Variants in ASTN2 observed in about 807,000 individuals in gnomAD.
ASTN2 encodes the protein astrotactin-2.
In ASTN2, 54 loss-of-function variants were observed where a neutral mutation model predicts 139.8. The ratio of observed to expected loss-of-function variants is 0.39; its 90% CI spans 0.31 to 0.48. The LOEUF is 0.48. ASTN2 is among the 20% of genes least tolerant of loss of function. The pLI, the probability that ASTN2 is intolerant of heterozygous loss-of-function variation, is 0.95. For missense variants in ASTN2, 1,565 were observed against 1,725.1 expected, an observed-to-expected ratio of 0.91 and a Z score of 1.64; for synonymous variants, 756 against 719.5, an observed-to-expected ratio of 1.05 and a Z score of -0.81.
chr9:117,185,522 G>A (rs971264938), intron 3 of ASTN2, among the ~76,000 whole-genome samples: 2 of 152,180 alleles, frequency 1.3e-5, no homozygotes, highest in African/African-American at 4.8e-5. Flanking sequence ...TCCTGATAAA[G>A]CTGATAGGAA....
chr9:116,953,030 G>T (rs1159703170), intron 10 of ASTN2, among the ~76,000 whole-genome samples: 2 of 152,138 alleles, frequency 1.3e-5, no homozygotes, highest in African/African-American at 4.8e-5. Flanking sequence ...TATTATAAAA[G>T]GAAGGGGTGG....
chr9:116,970,257 G>A (rs1292176014), intron 10 of ASTN2, among the ~76,000 whole-genome samples: 1 of 152,154 alleles, frequency 6.6e-6, no homozygotes, highest in African/African-American at 2.4e-5. Flanking sequence ...TAGGAGTTAA[G>A]ATCTGATGAT....
At chr9:116,670,048 AC>A (rs1859099108) in intron 16 of ASTN2, among the ~76,000 whole-genome samples, 1 of 152,018 alleles carries the variant, frequency 6.6e-6, no homozygotes, top group Admixed American at 6.6e-5. Flanking sequence ...CAGGTGATCC[AC>A]CCGCCTTGGC....
chr9:116,459,140 A>C (rs1848412800), intron 20 of ASTN2, among the ~76,000 whole-genome samples: 1 of 152,072 alleles, frequency 6.6e-6, no homozygotes, highest in Admixed American at 6.6e-5. Flanking sequence ...GGGTGCCAAG[A>C]AAATACAGTG....
At chr9:116,835,744 A>G (rs1564294015) in intron 11 of ASTN2, among the ~76,000 whole-genome samples, 1 of 152,142 alleles carries the variant, frequency 6.6e-6, no homozygotes, top group East Asian at 1.9e-4. Flanking sequence ...GCTCAGAATA[A>G]ATCTTTTCAA....
intron 4 of ASTN2, among the ~76,000 whole-genome samples, chr9:117,098,963 C>G (rs1346567390): frequency 6.6e-6 from 1 of 151,750 alleles, no homozygotes; most frequent in African/African-American, 2.4e-5. Context: ...AAAAAATTAG[C>G]CGGGTGTGGC....
At chr9:116,752,553 C>T (rs1829427699) in intron 13 of ASTN2, among the ~76,000 whole-genome samples, 1 of 152,138 alleles carries the variant, frequency 6.6e-6, no homozygotes, top group Admixed American at 6.5e-5. Context: ...ATGAAAACTG[C>T]TGCTCTGTGA....
At chr9:117,042,971 A>T (rs575594189) in intron 5 of ASTN2, among the ~76,000 whole-genome samples, 1 of 152,170 alleles carries the variant, frequency 6.6e-6, no homozygotes, top group East Asian at 1.9e-4. Flanking sequence ...CCTGGGTTCA[A>T]GTGATTCTCC....
intron 1 of ASTN2, among the ~76,000 whole-genome samples, chr9:117,335,628 C>A (rs1828858181): frequency 6.6e-6 from 1 of 152,102 alleles, no homozygotes; most frequent in Non-Finnish European, 1.5e-5. Context: ...ATGGGGAAAT[C>A]AAGGTCCCAT....
chr9:117,289,805 A>G (rs1228911338), intron 2 of ASTN2, among the ~76,000 whole-genome samples: 2 of 152,192 alleles, frequency 1.3e-5, no homozygotes, highest in East Asian at 1.9e-4. Context: ...ATACATATGG[A>G]AAAAGTCTAT....
At chr9:117,093,083 C>T (rs907448966) in intron 5 of ASTN2, among the ~76,000 whole-genome samples, 19 of 152,092 alleles carry the variant, frequency 1.2e-4, no homozygotes, top group Admixed American at 9.8e-4. Context: ...GCCCCATGTC[C>T]CATTCACACA....
At chr9:116,725,101 A>G (rs1270990638) in intron 16 of ASTN2, among the ~76,000 whole-genome samples, 1 of 152,224 alleles carries the variant, frequency 6.6e-6, no homozygotes, top group Non-Finnish European at 1.5e-5. Flanking sequence ...AGAAGCAGAC[A>G]AGAATAGCTA....
At chr9:116,597,459 AT>A (rs1420496256) in intron 19 of ASTN2, among the ~76,000 whole-genome samples, 4 of 151,558 alleles carry the variant, frequency 2.6e-5, no homozygotes, top group Admixed American at 6.6e-5. Context: ...TGCCCGGCTA[AT>A]TTTTTGTATT....
intron 16 of ASTN2, among the ~76,000 whole-genome samples, chr9:116,706,197 A>C (rs1827984840): frequency 1.3e-5 from 2 of 152,004 alleles, no homozygotes; most frequent in South Asian, 4.2e-4. Context: ...TCAGAAATAC[A>C]TTTTCTGTCC....
intron 2 of ASTN2, among the ~76,000 whole-genome samples, chr9:117,225,697 C>T (rs746985215): frequency 2.0e-5 from 3 of 150,920 alleles, no homozygotes; most frequent in African/African-American, 7.3e-5. Context: ...CTGCCACCTA[C>T]CAGTAATGGG....
intron 17 of ASTN2, among the ~76,000 whole-genome samples, chr9:116,647,715 A>G (rs1191409244): frequency 6.6e-6 from 1 of 152,222 alleles, no homozygotes; most frequent in Non-Finnish European, 1.5e-5. Context: ...AGAGCAGTAA[A>G]CAGGGATATT....
rs149659138 is a variant in ASTN2 at position 117,288,287 on chromosome 9, G to A, written c.630+3039C>T. ...CCTTCACAAGCCTACAAAGCATGATGGCTCCACCCCAGGAGGCATGGATGG... is the reference window on the plus strand; with the variant it reads ...CCTTCACAAGCCTACAAAGCATGATAGCTCCACCCCAGGAGGCATGGATGG... On this transcript the variant is annotated intron_variant, in intron 2 of 22. Transcript: ENST00000313400. Among the ~76,000 whole-genome samples, 32 of 152,282 alleles carry A rather than the reference G, an allele frequency of 2.1e-4. No homozygotes were observed. In the East Asian group the frequency reaches 4.1e-3, roughly 19 times the overall value.
intron 1 of ASTN2, among the ~76,000 whole-genome samples, chr9:117,387,343 T>C (rs967420590): frequency 6.6e-6 from 1 of 152,062 alleles, no homozygotes; most frequent in African/African-American, 2.4e-5. Context: ...AAGACAAACA[T>C]CAAATAGAAA....
At chr9:116,895,386 C>T (rs1433976691) in intron 10 of ASTN2, among the ~76,000 whole-genome samples, 1 of 152,176 alleles carries the variant, frequency 6.6e-6, no homozygotes, top group Non-Finnish European at 1.5e-5. Context: ...TAGTCCCAAG[C>T]ATTTCAGATA....
Sources: gnomAD v4.1 joint callset for allele counts (sites outside exome capture counted in the v4.1 genomes callset) on GRCh38, gnomAD v4.1.1 for gene constraint, MANE v1.5 for transcripts, NCBI Gene and HGNC (gene_info 2026-07-23, HGNC 2026-07-21) for gene names.